The following LSAMP variants were observed in gnomAD, a reference collection of about 807,000 sequenced individuals.
The protein encoded by LSAMP is limbic system associated membrane protein.
Under a neutral mutation model 38.6 loss-of-function variants are expected in LSAMP, and 7 were observed. That is an observed-to-expected ratio of 0.18 (90% CI 0.10 to 0.34). LSAMP has a LOEUF of 0.34. LSAMP is among the 10% of genes least tolerant of loss of function. LSAMP has a pLI of 1.00. For synonymous variants in LSAMP, 154 were observed against 166.8 expected, an observed-to-expected ratio of 0.92 and a Z score of 0.59; for missense variants, 313 against 420.0, an observed-to-expected ratio of 0.75 and a Z score of 2.23.
chr3:116,019,675 T>A (rs765852656), intron 2 of LSAMP, 35 bp from the exon 3 acceptor site: 1 of 1,602,684 alleles, frequency 6.2e-7, no homozygotes, highest in East Asian at 2.3e-5. Context: ...TATGTAACCA[T>A]GTCAGTAAGA....
intron 1 of LSAMP, among the ~76,000 whole-genome samples, chr3:116,230,028 C>G (rs748116386): frequency 3.9e-5 from 6 of 152,258 alleles, no homozygotes; most frequent in Non-Finnish European, 8.8e-5. Context: ...GAAAGAGGCA[C>G]AGAAAAATCC....
chr3:116,169,246 G>A (rs956645365), intron 1 of LSAMP, among the ~76,000 whole-genome samples: 1 of 152,020 alleles, frequency 6.6e-6, no homozygotes, highest in Admixed American at 6.6e-5. Context: ...TCTACTGTTG[G>A]GAGTCAGGAT....
intron 2 of LSAMP, among the ~76,000 whole-genome samples, chr3:116,060,696 G>T (rs1224753377): frequency 1.3e-5 from 2 of 152,264 alleles, no homozygotes; most frequent in South Asian, 4.1e-4. Context: ...GGAGGCAGAG[G>T]TTGCAGTGAG....
At chr3:116,092,371 C>A (rs953889237) in intron 1 of LSAMP, among the ~76,000 whole-genome samples, 1 of 151,814 alleles carries the variant, frequency 6.6e-6, no homozygotes. Flanking sequence ...TCTCTAGGAA[C>A]TAAATGATCT....
intron 1 of LSAMP, among the ~76,000 whole-genome samples, chr3:116,190,804 C>T (rs867929099): frequency 5.9e-5 from 9 of 152,042 alleles, no homozygotes; most frequent in South Asian, 2.1e-4. Flanking sequence ...AGTCAGATGC[C>T]CTCCCATCTT....
rs1489821472 is a variant in LSAMP at position 115,802,490 on chromosome 3, A to G, written c.*7827T>C. 1 of 151,476 alleles carries G rather than the reference A, an allele frequency of 6.6e-6. No individual in the cohort carries two copies. Among genetic ancestry groups the G allele is most frequent in the African/African-American group, 2.4e-5 (1 of 41,182 alleles). 9.4% of individuals were successfully genotyped at this position (151,476 alleles called of 1,614,324 possible). On this transcript the variant is annotated 3_prime_UTR_variant, in exon 7 of 7. Coordinates refer to ENST00000490035, the MANE Select transcript of LSAMP (RefSeq NM_002338.5). The stretch of plus-strand genomic sequence containing the variant: ...AAACAGAATTTAAATACATTTAAAA[A>G]GAAAAGAAAAAAAGCTTTTTTTCAT...
chr3:115,927,341 C>A (rs1937515466), intron 3 of LSAMP, among the ~76,000 whole-genome samples: 1 of 152,198 alleles, frequency 6.6e-6, no homozygotes, highest in African/African-American at 2.4e-5. Context: ...TGGCAGCTGA[C>A]TTGTTGAAAT....
chr3:116,125,336 A>G (rs1708983333), intron 1 of LSAMP, among the ~76,000 whole-genome samples: 1 of 150,450 alleles, frequency 6.6e-6, no homozygotes, highest in Admixed American at 6.6e-5. Flanking sequence ...TTTCCCTTGC[A>G]TAGTTATTAT....
rs143519662 is a variant in LSAMP at position 116,028,943 on chromosome 3, A to G, written c.389-9303T>C. ...TGAGCCATTTAATAGATGTCTAGAC[A>G]CTTTATATCTCCAATAAAAAGTGAC... On this transcript the variant is annotated intron_variant, in intron 2 of 6. Transcript: ENST00000490035. Among the ~76,000 whole-genome samples the G allele has an allele frequency of 1.2e-4, 18 of 152,278 alleles. No homozygotes were observed. In the East Asian group the frequency reaches 3.5e-3, roughly 29 times the overall value.
At chr3:115,839,606 C>T (rs917398894) in intron 6 of LSAMP, among the ~76,000 whole-genome samples, 1 of 152,112 alleles carries the variant, frequency 6.6e-6, no homozygotes, top group African/African-American at 2.4e-5. Flanking sequence ...AATGATCTTT[C>T]ATATTCTATT....
intron 1 of LSAMP, among the ~76,000 whole-genome samples, chr3:116,112,127 A>T (rs554744632): frequency 1.3e-5 from 2 of 152,348 alleles, no homozygotes; most frequent in Admixed American, 1.3e-4. Flanking sequence ...TGAAAGTTTT[A>T]TTTTAACCTG....
intron 1 of LSAMP, among the ~76,000 whole-genome samples, chr3:116,103,603 T>G (rs377156581): frequency 1.4e-5 from 2 of 146,938 alleles, no homozygotes; most frequent in Admixed American, 1.4e-4. Context: ...AGGACATGAG[T>G]CAATGTAAGA....
At chr3:116,182,298 A>T (rs1326772763) in intron 1 of LSAMP, among the ~76,000 whole-genome samples, 1 of 151,696 alleles carries the variant, frequency 6.6e-6, no homozygotes, top group East Asian at 1.9e-4. Context: ...AGTAAAATAG[A>T]TACCATATTT....
At chr3:116,310,918 T>C (rs1024913219) in intron 1 of LSAMP, among the ~76,000 whole-genome samples, 1 of 151,774 alleles carries the variant, frequency 6.6e-6, no homozygotes, top group Non-Finnish European at 1.5e-5. Flanking sequence ...TAAGTTGTTT[T>C]TTTTTTTTTT....
At chr3:116,022,260 G>A (rs1327644930) in intron 2 of LSAMP, among the ~76,000 whole-genome samples, 2 of 145,916 alleles carry the variant, frequency 1.4e-5, no homozygotes, top group East Asian at 2.0e-4. Flanking sequence ...CTTTTTTCCT[G>A]TGACATAGCT....
intron 2 of LSAMP, among the ~76,000 whole-genome samples, chr3:116,024,366 G>C (rs1423822271): frequency 6.6e-6 from 1 of 152,042 alleles, no homozygotes; most frequent in African/African-American, 2.4e-5. Flanking sequence ...TGTCAGAAAG[G>C]AATAAGTTTT....
At chr3:116,331,105 A>G (rs1157228386) in intron 1 of LSAMP, among the ~76,000 whole-genome samples, 1 of 152,184 alleles carries the variant, frequency 6.6e-6, no homozygotes, top group Non-Finnish European at 1.5e-5. Flanking sequence ...AAATTTCAAT[A>G]ACTGAAAAAA....
At chr3:116,342,125 A>T (rs1407390776) in intron 1 of LSAMP, among the ~76,000 whole-genome samples, 18 of 152,028 alleles carry the variant, frequency 1.2e-4, no homozygotes, top group Admixed American at 1.2e-3. Context: ...CCATACTAAC[A>T]ATAGTCCTTT....
intron 1 of LSAMP, among the ~76,000 whole-genome samples, chr3:116,267,749 A>G (rs928470022): frequency 6.6e-6 from 1 of 152,106 alleles, no homozygotes; most frequent in Non-Finnish European, 1.5e-5. Context: ...CCTGCAGCAG[A>G]GACTGACAGT....
Sources: gnomAD v4.1 joint callset for allele counts (sites outside exome capture counted in the v4.1 genomes callset) on GRCh38, gnomAD v4.1.1 for gene constraint, MANE v1.5 for transcripts, NCBI Gene and HGNC (gene_info 2026-07-23, HGNC 2026-07-21) for gene names.